Variants in PDE4D observed in about 807,000 individuals in gnomAD.
PDE4D encodes the protein phosphodiesterase 4D, also known as 3',5'-cyclic-AMP phosphodiesterase 4D.
Under a neutral mutation model 87.4 loss-of-function variants are expected in PDE4D, and 24 were observed. The observed-to-expected ratio is 0.27, with a 90% CI of 0.20 to 0.39. The LOEUF is 0.39. Among genes scored for constraint, PDE4D ranks in the 10% least tolerant of loss-of-function variants. The pLI is 1.00. For synonymous variants in PDE4D, 384 were observed against 383.2 expected (o/e 1.00, Z -0.02); for missense variants, 714 against 1,041.0 (o/e 0.69, Z 4.32).
chr5:60,251,567 C>T (rs1748462171), intron 1 of PDE4D, among the ~76,000 whole-genome samples: 1 of 151,888 alleles, frequency 6.6e-6, no homozygotes. Context: ...GCATAGTATT[C>T]CATGGTGTAT....
rs10434567 is a variant in PDE4D at position 59,446,264 on chromosome 5, G to T, written c.456-230296C>A. ...AACTTGATAATTTTAACACTTATAA[G>T]TGTTACCTATATAGTAACAAGAGTG... On this transcript the variant is annotated intron_variant, in intron 1 of 14. Coordinates refer to ENST00000340635, the MANE Select transcript of PDE4D (RefSeq NM_001104631.2). 2.3e-4 allele frequency among the ~76,000 whole-genome samples: 35 copies of T among 151,986 alleles called. No individual in the cohort carries two copies. The East Asian group carries it at 6.2e-3, about 27-fold the overall frequency.
chr5:60,283,299 T>C (rs911758457), intron 1 of PDE4D, among the ~76,000 whole-genome samples: 6 of 152,154 alleles, frequency 3.9e-5, no homozygotes, highest in African/African-American at 1.4e-4. Context: ...TAAATTTTGG[T>C]TAATATATAG....
intron 2 of PDE4D, among the ~76,000 whole-genome samples, chr5:60,151,124 C>T (rs1204494191): frequency 6.6e-6 from 1 of 152,140 alleles, no homozygotes; most frequent in African/African-American, 2.4e-5. Flanking sequence ...TAATCAAGTA[C>T]AAAGATCTTG....
intron 1 of PDE4D, among the ~76,000 whole-genome samples, chr5:60,324,850 C>T (rs1370332426): frequency 1.3e-5 from 2 of 152,094 alleles, no homozygotes; most frequent in African/African-American, 2.4e-5. Flanking sequence ...TGAGATAATC[C>T]TATGAAACAA....
chr5:59,976,407 T>C (rs1207575035), intron 3 of PDE4D, among the ~76,000 whole-genome samples: 1 of 152,148 alleles, frequency 6.6e-6, no homozygotes, highest in East Asian at 1.9e-4. Context: ...GTGCCCTCCC[T>C]GTGGTCATGA....
At chr5:60,175,615 G>C (rs1783840790) in intron 2 of PDE4D, among the ~76,000 whole-genome samples, 1 of 152,090 alleles carries the variant, frequency 6.6e-6, no homozygotes, top group African/African-American at 2.4e-5. Flanking sequence ...CTTTAGCTTT[G>C]GGTCTTCCCT....
At chr5:60,132,068 A>T (rs16890534) in intron 2 of PDE4D, among the ~76,000 whole-genome samples, 1 of 152,142 alleles carries the variant, frequency 6.6e-6, no homozygotes, top group Non-Finnish European at 1.5e-5. Flanking sequence ...ATTGTTGTGC[A>T]TTATACAGAT....
chr5:59,606,276 A>G (rs1173520584), intron 1 of PDE4D, among the ~76,000 whole-genome samples: 1 of 152,154 alleles, frequency 6.6e-6, no homozygotes, highest in East Asian at 1.9e-4. Flanking sequence ...AATAATTAGC[A>G]AAGAAACTAA....
intron 1 of PDE4D, among the ~76,000 whole-genome samples, chr5:59,336,857 C>T (rs1243347364): frequency 6.6e-6 from 1 of 152,148 alleles, no homozygotes; most frequent in Non-Finnish European, 1.5e-5. Context: ...CCAAGAAGCC[C>T]AGTGCGCTGG....
intron 1 of PDE4D, among the ~76,000 whole-genome samples, chr5:59,857,015 C>A (rs1486634911): frequency 1.3e-5 from 2 of 152,082 alleles, no homozygotes; most frequent in African/African-American, 4.8e-5. Context: ...GATTATGTCA[C>A]ATACAAGAGT....
intron 1 of PDE4D, among the ~76,000 whole-genome samples, chr5:59,568,160 A>G (rs1017417489): frequency 6.6e-6 from 1 of 152,178 alleles, no homozygotes; most frequent in African/African-American, 2.4e-5. Flanking sequence ...GTGCATCAAA[A>G]CAAAACAAAC....
Position 59,903,226 on chromosome 5 carries a change from C to T in PDE4D, c.272+85262G>A, listed in dbSNP as rs139923553. Among the ~76,000 whole-genome samples the T allele has an allele frequency of 2.5e-3, 381 of 152,100 alleles. 4 individuals are homozygous for T. Among genetic ancestry groups the T allele is most frequent in the South Asian group, 0.017 (84 of 4,806 alleles). On this transcript the variant is annotated intron_variant, in intron 3 of 16. Transcript: ENST00000502484. ...TATCATCTAACATTGTAGCTATCAA[C>T]GAACATCACAGCAGGAATTAGTAAT...
intron 1 of PDE4D, among the ~76,000 whole-genome samples, chr5:59,674,792 A>G (rs298063): frequency 0.48 from 73,036 of 152,032 alleles, 17,985 homozygotes; most frequent in East Asian, 0.7. Flanking sequence ...GGAGATTTCA[A>G]TAGTGTAACA....
At chr5:59,488,276 G>A (rs16889906) in intron 1 of PDE4D, among the ~76,000 whole-genome samples, 11,580 of 151,638 alleles carry the variant, frequency 0.076, 1,387 homozygotes, top group African/African-American at 0.26. Context: ...CTGTAGCTTC[G>A]TTTCCTTTTT....
intron 1 of PDE4D, among the ~76,000 whole-genome samples, chr5:60,240,708 G>C (rs1289155784): frequency 6.6e-6 from 1 of 152,098 alleles, no homozygotes; most frequent in Non-Finnish European, 1.5e-5. Context: ...TTGGGAGAAA[G>C]TAACGGAAGA....
intron 5 of PDE4D, among the ~76,000 whole-genome samples, chr5:59,040,926 AAGTT>A (rs1271633734): frequency 6.6e-6 from 1 of 152,158 alleles, no homozygotes; most frequent in Non-Finnish European, 1.5e-5. Context: ...AACTTTGTAA[AAGTT>A]AGAGTAACTT....
At chr5:59,879,143 G>A (rs911440758) in intron 1 of PDE4D, among the ~76,000 whole-genome samples, 8 of 151,704 alleles carry the variant, frequency 5.3e-5, no homozygotes, top group Admixed American at 1.3e-4. Context: ...CTCGTGATCC[G>A]CTCTCCTCGG....
chr5:60,327,803 CTG>C (rs1756936107), intron 1 of PDE4D, among the ~76,000 whole-genome samples: 1 of 152,192 alleles, frequency 6.6e-6, no homozygotes, highest in South Asian at 2.1e-4. Flanking sequence ...AGTAGTTTTA[CTG>C]TTACAGGCAA....
intron 1 of PDE4D, among the ~76,000 whole-genome samples, chr5:59,227,286 C>T (rs899042535): frequency 1.3e-5 from 2 of 152,098 alleles, no homozygotes; most frequent in African/African-American, 4.8e-5. Context: ...TATAAAAACC[C>T]TGGAAGATAA....
Sources: gnomAD v4.1 joint callset for allele counts (sites outside exome capture counted in the v4.1 genomes callset) on GRCh38, gnomAD v4.1.1 for gene constraint, MANE v1.5 for transcripts, NCBI Gene and HGNC (gene_info 2026-07-23, HGNC 2026-07-21) for gene names.